SOCS7: variants seen among roughly 807,000 people sequenced by gnomAD.
SOCS7 encodes suppressor of cytokine signaling 7.
SOCS7 carries 18 observed loss-of-function variants against 58.9 expected under a neutral mutation model. The ratio of observed to expected loss-of-function variants is 0.31; its 90% confidence interval spans 0.21 to 0.45. SOCS7 has a LOEUF of 0.45. Among genes scored for constraint, SOCS7 ranks in the 20% least tolerant of loss-of-function variants. The pLI, the probability that SOCS7 is intolerant of heterozygous loss-of-function variation, is 1.00. For synonymous variants in SOCS7, 388 were observed against 364.3 expected, an observed-to-expected ratio of 1.06 and a Z score of -0.74; for missense variants, 667 against 837.3, an observed-to-expected ratio of 0.80 and a Z score of 2.51.
In SOCS7 at chr17:38,401,513, T is replaced by C. The variant is rs1387714635; in HGVS notation, c.*2031T>C. Reference sequence around the variant, plus strand: ...TTAATATTATTTTTTAGTGTGTGTGTGCCTGGCTTTGCGCTAGATATTGTA... The same window carrying C: ...TTAATATTATTTTTTAGTGTGTGTGCGCCTGGCTTTGCGCTAGATATTGTA... On this transcript the variant is annotated 3_prime_UTR_variant, in exon 10 of 10. Transcript: ENST00000612932. The C allele has an allele frequency of 6.6e-6, 1 of 152,152 alleles. No homozygotes were observed. The highest frequency in any genetic ancestry group is 2.4e-5 in the African/African-American group (1 of 41,428). The allele number at this position is 152,152 out of a possible 1,614,324, so 9.4% of individuals were successfully genotyped here.
chr17:38,364,717 G>A (rs758605985), intron 2 of SOCS7, 35 bp from the exon 3 acceptor site: 11 of 1,569,452 alleles, frequency 7.0e-6, no homozygotes, highest in African/African-American at 2.7e-5. Context: ...TGGGCAAGGC[G>A]CTTCTGTAAC....
At position 38,361,786 on chromosome 17, in the gene SOCS7, T is replaced by A. The variant is rs775357497; in HGVS notation, c.1045+11T>A. The stretch of plus-strand genomic sequence containing the variant: ...GCCCCCTGTTCACAGGTAAGGGTAA[T>A]ATCTTTCTCTCTTCTGACATCTGAA... On this transcript the variant is annotated intron_variant, in intron 2 of 9. Transcript: ENST00000612932. The A allele has an allele frequency of 2.5e-6, 4 of 1,593,676 alleles. No homozygotes were observed. The highest frequency in any genetic ancestry group is 3.4e-6 in the Non-Finnish European group (4 of 1,168,298).
intron 1 of SOCS7, 117 bp downstream of exon 1, chr17:38,353,149 G>T (rs923349268): frequency 2.3e-5 from 23 of 980,616 alleles, no homozygotes; most frequent in Admixed American, 1.2e-4. Context: ...AGGAGGCAGA[G>T]ACTTGGGACC....
intron 6 of SOCS7, among the ~76,000 whole-genome samples, chr17:38,372,142 G>A (rs1203017532): frequency 6.6e-6 from 1 of 151,964 alleles, no homozygotes; most frequent in Non-Finnish European, 1.5e-5. Context: ...AAAATTTTTT[G>A]GAGATTTGTG....
chr17:38,377,925 GC>G (rs1317086922), intron 7 of SOCS7, 83 bp downstream of exon 7: 1 of 1,395,812 alleles, frequency 7.2e-7, no homozygotes, highest in Non-Finnish European at 9.8e-7. Flanking sequence ...CCCACAAAAG[GC>G]CATGGTTAAG....
intron 2 of SOCS7, 141 bp downstream of exon 2, chr17:38,361,916 G>T: frequency 1.6e-6 from 1 of 639,416 alleles, no homozygotes; most frequent in Non-Finnish European, 2.7e-6. Flanking sequence ...AGTGGGTTTG[G>T]GGTGAGGCTA....
At chr17:38,387,082 TAAAAAA>T (rs1214323571) in intron 7 of SOCS7, among the ~76,000 whole-genome samples, 37 of 48,642 alleles carry the variant, frequency 7.6e-4, no homozygotes, top group African/African-American at 2.1e-3. Flanking sequence ...ACTCTTATCT[TAAAAAA>T]AAAAAAAAAA....
At position 38,352,891 on chromosome 17, in the gene SOCS7, G is replaced by T; in HGVS notation, c.839G>T (p.Arg280Leu). 1 of 1,601,238 alleles carries T rather than the reference G, an allele frequency of 6.2e-7. No homozygotes were observed. Among genetic ancestry groups the T allele is most frequent in the Non-Finnish European group, 8.5e-7 (1 of 1,174,874 alleles). The change falls in exon 1 of 10, where the codon CGC becomes CTC. Residue 280 changes from arginine (R) to leucine (L), a missense_variant. Transcript: ENST00000612932. This position sits in a 1 kb window ranked among gnomAD's most constrained non-coding sequence, Gnocchi z 5.5. ...GGCTCCTTCAAAATCCGCCTCAGTCGCCTCTTTCGCACCAAGAGCTGCAAC... is the reference window on the plus strand; with the variant it reads ...GGCTCCTTCAAAATCCGCCTCAGTCTCCTCTTTCGCACCAAGAGCTGCAAC... ...RKGSFKIRLS[R>L]LFRTKSCNGG... is the part of the protein sequence containing the mutation.
At chr17:38,387,673 ATATT>A (rs1370901178) in intron 7 of SOCS7, among the ~76,000 whole-genome samples, 1 of 141,876 alleles carries the variant, frequency 7.0e-6, no homozygotes, top group Non-Finnish European at 1.5e-5. Flanking sequence ...ATTATACTAT[ATATT>A]TTATATATTT....
intron 2 of SOCS7, among the ~76,000 whole-genome samples, chr17:38,362,206 T>C (rs1468046070): frequency 6.6e-6 from 1 of 152,244 alleles, no homozygotes; most frequent in Non-Finnish European, 1.5e-5. Context: ...TTAAAGACTT[T>C]TTTGGGCAAA....
intron 7 of SOCS7, among the ~76,000 whole-genome samples, chr17:38,389,134 C>A (rs2080961283): frequency 6.6e-6 from 1 of 152,196 alleles, no homozygotes; most frequent in African/African-American, 2.4e-5. Context: ...AGTGGTAGCT[C>A]ATTGTGGTTT....
intron 1 of SOCS7, among the ~76,000 whole-genome samples, chr17:38,361,051 CAG>C (rs1555567493): frequency 6.6e-6 from 1 of 152,212 alleles, no homozygotes; most frequent in Non-Finnish European, 1.5e-5. Flanking sequence ...TTCCCTGAAA[CAG>C]CATCAAGAAG....
chr17:38,377,132 G>A lies in SOCS7; in HGVS notation c.1553-582G>A, dbSNP rs139143726. ...TTCTGTCATTAAGTAATGCATGACT[G>A]TACCTATACTTAATATACATAATAA... On this transcript the variant is annotated intron_variant, in intron 6 of 9. Coordinates refer to ENST00000612932, the MANE Select transcript of SOCS7 (RefSeq NM_014598.4). Among the ~76,000 whole-genome samples, 713 of 152,254 alleles carry A rather than the reference G, an allele frequency of 4.7e-3. 3 individuals carry two copies. Among genetic ancestry groups the A allele is most frequent in the African/African-American group, 0.016 (674 of 41,550 alleles).
At chr17:38,353,119 C>T (rs1344769213) in intron 1 of SOCS7, 87 bp downstream of exon 1, 1 of 1,279,044 alleles carries the variant, frequency 7.8e-7, no homozygotes, top group Non-Finnish European at 1.1e-6. Flanking sequence ...CCTGACAGTT[C>T]TTAAGATAGG....
At chr17:38,388,629 C>A (rs550488573) in intron 7 of SOCS7, among the ~76,000 whole-genome samples, 1 of 152,282 alleles carries the variant, frequency 6.6e-6, no homozygotes, top group East Asian at 1.9e-4. Context: ...AAAATGAAAA[C>A]CTCAGACTAT....
chr17:38,368,809 A>G (rs563635680), intron 6 of SOCS7, among the ~76,000 whole-genome samples: 2 of 152,224 alleles, frequency 1.3e-5, no homozygotes, highest in Admixed American at 1.3e-4. Context: ...TCTGATAGTC[A>G]CTTTCTCCCA....
chr17:38,356,296 A>G (rs1280471754), intron 1 of SOCS7, among the ~76,000 whole-genome samples: 1 of 151,818 alleles, frequency 6.6e-6, no homozygotes, highest in African/African-American at 2.4e-5. Flanking sequence ...CAGGAGGATT[A>G]CTTGTGCCCA....
At chr17:38,355,203 G>GTC in intron 1 of SOCS7, among the ~76,000 whole-genome samples, 1 of 152,304 alleles carries the variant, frequency 6.6e-6, no homozygotes, top group Non-Finnish European at 1.5e-5. Flanking sequence ...GCTAGGAGAT[G>GTC]ACCAAATTTG....
At chr17:38,379,176 AAAAC>A (rs1567745326) in intron 7 of SOCS7, among the ~76,000 whole-genome samples, 1 of 149,682 alleles carries the variant, frequency 6.7e-6, no homozygotes, top group Non-Finnish European at 1.5e-5. Flanking sequence ...AAAACAAAAA[AAAAC>A]AAAAAAAAAA....
Sources: gnomAD v4.1 joint callset for allele counts (sites outside exome capture counted in the v4.1 genomes callset) on GRCh38, gnomAD v4.1.1 for gene constraint, Gnocchi (gnomAD v3.1) non-coding constraint, MANE v1.5 for transcripts, NCBI Gene and HGNC (gene_info 2026-07-23, HGNC 2026-07-21) for gene names.